The following ANK2 variants were observed in gnomAD, a reference collection of about 807,000 sequenced individuals.
ANK2 encodes ankyrin-2.
Under a neutral mutation model 360.5 loss-of-function variants are expected in ANK2, and 83 were observed. The observed-to-expected ratio is 0.23, with a 90% CI of 0.19 to 0.28. ANK2 has a LOEUF of 0.28. ANK2 is among the 10% of genes least tolerant of loss of function. ANK2 has a pLI of 1.00. For synonymous variants in ANK2, 1,740 were observed against 1,759.5 expected (o/e 0.99, Z 0.28); for missense variants, 4,201 against 4,795.7 (o/e 0.88, Z 3.66).
At chr4:112,743,398 C>A in the ANK2 span, among the ~76,000 whole-genome samples, 1 of 151,904 alleles carries the variant, frequency 6.6e-6, no homozygotes, top group Non-Finnish European at 1.5e-5. Flanking sequence ...ATAGTTCTCT[C>A]CTCTAAAGAT....
intron 4 of ANK2, among the ~76,000 whole-genome samples, chr4:113,206,236 GCT>G (rs2098946247): frequency 6.6e-6 from 1 of 152,032 alleles, no homozygotes; most frequent in Non-Finnish European, 1.5e-5. Flanking sequence ...TTTTCCTGAT[GCT>G]CTCTCTCCCC....
chr4:112,864,902 G>A (rs2069729200), intron 1 of ANK2, among the ~76,000 whole-genome samples: 1 of 151,276 alleles, frequency 6.6e-6, no homozygotes. Context: ...CGTGGTGGTG[G>A]GCGCCTGTAG....
chr4:112,757,047 CTTACATCACCCTGTA>C, the ANK2 span, among the ~76,000 whole-genome samples: 34 of 151,868 alleles, frequency 2.2e-4, no homozygotes, highest in East Asian at 4.8e-3. Flanking sequence ...AAAAATTGTT[CTTACATCACCCTGTA>C]ATTCCCAAAT....
chr4:112,779,728 A>G, the ANK2 span, among the ~76,000 whole-genome samples: 1 of 152,210 alleles, frequency 6.6e-6, no homozygotes, highest in Non-Finnish European at 1.5e-5. Context: ...CACACATTTT[A>G]ATTTCAGGAT....
At chr4:112,734,881 T>A in the ANK2 span, among the ~76,000 whole-genome samples, 1 of 152,232 alleles carries the variant, frequency 6.6e-6, no homozygotes, top group Admixed American at 6.5e-5. Context: ...CCCAGTTTGG[T>A]TTAATTTTTG....
chr4:112,783,149 TC>T, the ANK2 span, among the ~76,000 whole-genome samples: 1 of 152,000 alleles, frequency 6.6e-6, no homozygotes, highest in Non-Finnish European at 1.5e-5. Flanking sequence ...ACCTCGTGAT[TC>T]CCCCCGCATT....
intron 1 of ANK2, among the ~76,000 whole-genome samples, chr4:113,170,289 C>T (rs1395078882): frequency 6.6e-6 from 1 of 152,190 alleles, no homozygotes; most frequent in East Asian, 1.9e-4. Context: ...ATGAAGATAG[C>T]ATCTGAGCAT....
At chr4:113,102,447 G>A (rs1389493373) in intron 1 of ANK2, among the ~76,000 whole-genome samples, 2 of 152,064 alleles carry the variant, frequency 1.3e-5, no homozygotes, top group African/African-American at 4.8e-5. Flanking sequence ...TTTGGATTGA[G>A]CACATATATG....
chr4:112,832,649 G>T (rs2060061880), intron 1 of ANK2, among the ~76,000 whole-genome samples: 1 of 152,140 alleles, frequency 6.6e-6, no homozygotes, highest in South Asian at 2.1e-4. Context: ...ACTAAGTCCT[G>T]TAAGAACATT....
intron 2 of ANK2, among the ~76,000 whole-genome samples, chr4:113,176,776 C>T (rs577615563): frequency 1.3e-5 from 2 of 152,202 alleles, no homozygotes; most frequent in African/African-American, 2.4e-5. Flanking sequence ...CTATCCCTCG[C>T]TCCTCCCCCC....
intron 1 of ANK2, among the ~76,000 whole-genome samples, chr4:112,860,535 G>A (rs964250785): frequency 6.6e-6 from 1 of 152,086 alleles, no homozygotes; most frequent in African/African-American, 2.4e-5. Context: ...CTACTAACTG[G>A]GAAAGACACT....
At chr4:112,739,297 C>T in the ANK2 span, among the ~76,000 whole-genome samples, 2 of 152,090 alleles carry the variant, frequency 1.3e-5, no homozygotes, top group Non-Finnish European at 1.5e-5. Flanking sequence ...CCACTGCGCC[C>T]GGCTGGAATG....
intron 1 of ANK2, among the ~76,000 whole-genome samples, chr4:112,868,251 A>G (rs1190812126): frequency 6.6e-6 from 1 of 152,234 alleles, no homozygotes; most frequent in Non-Finnish European, 1.5e-5. Context: ...ATAACAGACT[A>G]CCACACACTG....
At position 112,919,995 on chromosome 4, in the gene ANK2, C is replaced by T. The variant is rs141421798; in HGVS notation, c.21+15481C>T. On this transcript the variant is annotated intron_variant, in intron 2 of 30. Transcript: ENST00000503271. ...TATTATACGTAGAGCTGAATAATAA[C>T]ATTATGGAATTTTAGGTTTCTTGGG... Among the ~76,000 whole-genome samples the T allele has an allele frequency of 2.4e-3, 359 of 151,892 alleles. 1 individual carries two copies. Among genetic ancestry groups the T allele is most frequent in the Middle Eastern group, 6.8e-3 (2 of 292 alleles).
At chr4:113,223,254 A>C (rs2099170896) in intron 4 of ANK2, among the ~76,000 whole-genome samples, 2 of 152,194 alleles carry the variant, frequency 1.3e-5, no homozygotes, top group Admixed American at 1.3e-4. Context: ...GTCTGTGAAC[A>C]TCCTCCTAGC....
chr4:112,991,981 C>A (rs765953898), intron 2 of ANK2, among the ~76,000 whole-genome samples: 1 of 151,996 alleles, frequency 6.6e-6, no homozygotes, highest in Non-Finnish European at 1.5e-5. Flanking sequence ...CATTATTTTA[C>A]GTATTCTCTG....
At chr4:113,307,584 G>A (rs1365627755) in intron 23 of ANK2, among the ~76,000 whole-genome samples, 1 of 151,928 alleles carries the variant, frequency 6.6e-6, no homozygotes, top group Non-Finnish European at 1.5e-5. Context: ...TGTATTTTTA[G>A]TAGAGACTGG....
intron 14 of ANK2, among the ~76,000 whole-genome samples, chr4:113,273,538 C>T (rs1353700925): frequency 6.6e-6 from 1 of 152,154 alleles, no homozygotes; most frequent in Admixed American, 6.5e-5. Context: ...ATACTTTTCT[C>T]CATTCATTCT....
chr4:113,091,774 A>C (rs910157857), intron 1 of ANK2, among the ~76,000 whole-genome samples: 1 of 152,224 alleles, frequency 6.6e-6, no homozygotes, highest in Admixed American at 6.5e-5. Context: ...AAGATTATAC[A>C]ATGCTTTGCG....
Sources: allele counts gnomAD v4.1 joint callset (sites outside exome capture counted in the v4.1 genomes callset), GRCh38; gene constraint gnomAD v4.1.1; transcripts MANE v1.5; gene names NCBI Gene and HGNC (gene_info 2026-07-23, HGNC 2026-07-21).